Variants in GAB3 observed in about 807,000 individuals in gnomAD.
The protein encoded by GAB3 is GRB2-associated-binding protein 3.
Under a neutral mutation model 40.4 loss-of-function variants are expected in GAB3, and 12 were observed. The ratio of observed to expected loss-of-function variants is 0.30; its 90% CI spans 0.19 to 0.48. GAB3 has a LOEUF of 0.48. Among genes scored for constraint, GAB3 ranks in the 20% least tolerant of loss-of-function variants. The probability of loss-of-function intolerance (pLI) is 0.99; values close to 1 mark genes in which losing one functional copy is unlikely to be tolerated. For missense variants in GAB3, 381 were observed against 461.9 expected, an observed-to-expected ratio of 0.82 and a Z score of 1.61; for synonymous variants, 154 against 176.7, an observed-to-expected ratio of 0.87 and a Z score of 1.02.
At chrX:154,717,138 G>A (rs992369102) in intron 1 of GAB3, among the ~76,000 whole-genome samples, 2 of 111,657 alleles carry the variant, frequency 1.8e-5, no homozygotes, top group African/African-American at 3.3e-5. Context: ...AGGTTGGGAT[G>A]GAAGGATCGG....
intron 8 of GAB3, among the ~76,000 whole-genome samples, chrX:154,686,527 C>G (rs1439245828): frequency 9.0e-6 from 1 of 110,515 alleles, no homozygotes; most frequent in Non-Finnish European, 1.9e-5. Flanking sequence ...CTCTTGGGCT[C>G]AAGGGATCTT....
chrX:154,732,808 G>A (rs1340570706), intron 1 of GAB3, among the ~76,000 whole-genome samples: 5 of 110,834 alleles, frequency 4.5e-5, no homozygotes, highest in Non-Finnish European at 9.4e-5. Context: ...CCTCTGGCTG[G>A]AGGAAGTTGC....
chrX:154,719,884 A>G (rs1334410384), intron 1 of GAB3, among the ~76,000 whole-genome samples: 2 of 111,537 alleles, frequency 1.8e-5, no homozygotes, highest in African/African-American at 6.5e-5. Flanking sequence ...ACAAGGAATG[A>G]CGAGGGCCAT....
intron 4 of GAB3, among the ~76,000 whole-genome samples, chrX:154,701,292 T>TG (rs1557252193): frequency 1.8e-5 from 2 of 112,514 alleles, no homozygotes; most frequent in African/African-American, 6.5e-5. Context: ...TTGTGGGACT[T>TG]GCATGTGTGA....
intron 8 of GAB3, among the ~76,000 whole-genome samples, chrX:154,691,161 C>T (rs1251901908): frequency 3.8e-5 from 4 of 105,804 alleles, no homozygotes; most frequent in African/African-American, 6.9e-5. Context: ...AGTAAACTAT[C>T]GCAAGGACAA....
intron 1 of GAB3, among the ~76,000 whole-genome samples, chrX:154,725,771 G>T (rs1170154920): frequency 9.0e-6 from 1 of 111,423 alleles, no homozygotes; most frequent in Non-Finnish European, 1.9e-5. Flanking sequence ...GCTCACACAG[G>T]GCTGGGAGAT....
chrX:154,675,764 C>A lies in GAB3; in HGVS notation c.*2414G>T, dbSNP rs1482797978. 1 of 111,922 alleles carries A rather than the reference C, an allele frequency of 8.9e-6. No homozygotes were observed. The highest frequency in any genetic ancestry group is 1.9e-5 in the Non-Finnish European group (1 of 53,138). The allele number at this position is 111,922 out of a possible 1,213,427, so 9.2% of individuals were successfully genotyped here. A position where few individuals can be genotyped will look rare whatever the true frequency, so the allele number is the denominator to read the frequency against. Reference sequence around the variant, plus strand: ...ATCATTTCTGTAACAAACATTAGGCCCTTGGTTAGAAACATAGCTCTCTCT... The same window carrying A: ...ATCATTTCTGTAACAAACATTAGGCACTTGGTTAGAAACATAGCTCTCTCT... On this transcript the variant is annotated 3_prime_UTR_variant, in exon 10 of 10. Transcript: ENST00000424127.
Position 154,713,490 on chromosome X carries a change from C to T in GAB3, c.377-64G>A, listed in dbSNP as rs1424331468. ...CTATAACACGCACTCAAAATTTCTC[C>T]AACAGCATCAAAGAAGCCAAACAGA... On this transcript the variant is annotated intron_variant, in intron 2 of 9. Coordinates refer to ENST00000424127, the MANE Select transcript of GAB3 (RefSeq NM_001081573.3). 8.6e-6 allele frequency: 8 copies of T among 926,719 alleles called. No individual in the cohort carries two copies. The Admixed American group carries it at 1.7e-4, about 20-fold the overall frequency. 76.4% of individuals were successfully genotyped at this position (926,719 alleles called of 1,213,427 possible). A position where few individuals can be genotyped will look rare whatever the true frequency, so the allele number is the denominator to read the frequency against.
In GAB3 at chrX:154,712,367, G is replaced by C; in HGVS notation, c.931C>G (p.Arg311Gly). ...GACAGATGGCTTGGCTTAGGGGGGC[G>C]GGGAGGTGGAGTGTTGGACATAATG... ...LDIMSNTPPP[R>G]PPKPSHLSER... is the part of the protein sequence containing the mutation. Residue 311 changes from arginine (R) to glycine (G), a missense_variant, in exon 4 of 10, where the codon CGC becomes GGC. Coordinates refer to ENST00000424127, the MANE Select transcript of GAB3 (RefSeq NM_001081573.3). The C allele has an allele frequency of 1.7e-6, 2 of 1,211,277 alleles. No homozygotes were observed. The highest frequency in any genetic ancestry group is 2.2e-6 in the Non-Finnish European group (2 of 895,034).
At chrX:154,695,710 G>C in intron 8 of GAB3, among the ~76,000 whole-genome samples, 1 of 112,220 alleles carries the variant, frequency 8.9e-6, no homozygotes. Context: ...TCTCAAAATG[G>C]TATGAGGAGT....
intron 1 of GAB3, among the ~76,000 whole-genome samples, 175 bp downstream of exon 1, chrX:154,750,779 G>A (rs1054255187): frequency 4.5e-5 from 5 of 111,757 alleles, no homozygotes; most frequent in African/African-American, 1.6e-4. Context: ...CTAGCACAGC[G>A]GCGAAGCTGG....
At chrX:154,709,322 GTT>G (rs56133586) in intron 4 of GAB3, among the ~76,000 whole-genome samples, 951 of 85,059 alleles carry the variant, frequency 0.011, 13 homozygotes, top group African/African-American at 0.034. Context: ...GTCTCCGGCA[GTT>G]TTTTTTTTTT....
chrX:154,732,363 G>T (rs964398172), intron 1 of GAB3, among the ~76,000 whole-genome samples: 6 of 111,762 alleles, frequency 5.4e-5, no homozygotes, highest in African/African-American at 2.0e-4. Flanking sequence ...ATAATCTGAC[G>T]TTTAATACTG....
rs782611639 is a variant in GAB3 at position 154,731,426 on chromosome X, G to C, written c.73-15097C>G. Among the ~76,000 whole-genome samples, 3 of 111,801 alleles carry C rather than the reference G, an allele frequency of 2.7e-5. No individual in the cohort carries two copies. The South Asian group carries it at 1.1e-3, about 42-fold the overall frequency. On this transcript the variant is annotated intron_variant, in intron 1 of 9. Coordinates refer to ENST00000424127, the MANE Select transcript of GAB3 (RefSeq NM_001081573.3). ...GTTGTGTGAGACCAATGTGGTTGAG[G>C]GGAGGCTCTTCTAAGCAGAGGTACT...
intron 1 of GAB3, among the ~76,000 whole-genome samples, chrX:154,743,978 G>C (rs1473896695): frequency 9.0e-6 from 1 of 110,931 alleles, no homozygotes; most frequent in East Asian, 2.8e-4. Flanking sequence ...CACTTTGGGA[G>C]GCCAAGACAG....
intron 4 of GAB3, among the ~76,000 whole-genome samples, chrX:154,708,714 G>A (rs191386863): frequency 8.9e-6 from 1 of 111,989 alleles, no homozygotes; most frequent in East Asian, 2.8e-4. Context: ...AGAAATACAA[G>A]TGTTGGAGAG....
In GAB3 at chrX:154,700,026, T is replaced by C; in HGVS notation, c.1103A>G (p.Asp368Gly). The C allele has an allele frequency of 8.3e-7, 1 of 1,209,218 alleles. No individual in the cohort carries two copies. Among genetic ancestry groups the C allele is most frequent in the African/African-American group, 1.7e-5 (1 of 57,534 alleles). Reference sequence around the variant, plus strand: ...TACCAAATTCAAACTAAGCCGCTTGTCTCGGTGTCTTAAGGATTGGCCTTC... The same window carrying C: ...TACCAAATTCAAACTAAGCCGCTTGCCTCGGTGTCTTAAGGATTGGCCTTC... ...DVEGQSLRHR[D>G]KRLSLNLPCR... Residue 368 changes from aspartate (D) to glycine (G), a missense_variant, in exon 5 of 10, where the codon GAC becomes GGC. Around this residue, in one of 2 missense-constraint regions of GAB3, gnomAD observed 364 missense variants for 421.0 expected, o/e 0.86. Transcript: ENST00000424127.
At chrX:154,678,401 T>G in intron 9 of GAB3, 107 bp from the exon 10 acceptor site, 1 of 499,778 alleles carries the variant, frequency 2.0e-6, no homozygotes, top group Admixed American at 3.2e-5. Context: ...CTTTCCTCTG[T>G]GTGGAAACTT....
At chrX:154,709,773 TG>T (rs2070895185) in intron 4 of GAB3, among the ~76,000 whole-genome samples, 1 of 111,700 alleles carries the variant, frequency 9.0e-6, no homozygotes, top group Non-Finnish European at 1.9e-5. Flanking sequence ...TAAAAAGGAA[TG>T]GTATCCTGTC....
Sources: gnomAD v4.1 joint callset for allele counts (sites outside exome capture counted in the v4.1 genomes callset) on GRCh38, gnomAD v4.1.1 for gene constraint, gnomAD v4.1.1 regional missense constraint, MANE v1.5 for transcripts, NCBI Gene and HGNC (gene_info 2026-07-23, HGNC 2026-07-21) for gene names.